The following HDAC9 variants were observed in gnomAD, a reference collection of about 807,000 sequenced individuals.
HDAC9 encodes histone deacetylase 9.
Under a neutral mutation model 139.4 loss-of-function variants are expected in HDAC9, and 41 were observed. The ratio of observed to expected loss-of-function variants is 0.29; its 90% CI spans 0.23 to 0.38. The LOEUF (loss-of-function observed/expected upper bound fraction) is 0.38. Among genes scored for constraint, HDAC9 ranks in the 10% least tolerant of loss-of-function variants. HDAC9 has a pLI of 1.00. For synonymous variants in HDAC9, 517 were observed against 476.2 expected (o/e 1.09, Z -1.12); for missense variants, 1,147 against 1,297.0 (o/e 0.88, Z 1.78).
chr7:18,575,913 A>C (rs572358925), intron 2 of HDAC9, among the ~76,000 whole-genome samples: 19 of 152,356 alleles, frequency 1.2e-4, no homozygotes, highest in Non-Finnish European at 2.5e-4. Flanking sequence ...CACTGAAAAC[A>C]TAGTCTCTGC....
chr7:18,323,129 A>G (rs957113485), intron 1 of HDAC9, among the ~76,000 whole-genome samples: 1 of 152,196 alleles, frequency 6.6e-6, no homozygotes, highest in African/African-American at 2.4e-5. Context: ...GAAAGTAGCA[A>G]ACCTACTCTT....
intron 12 of HDAC9, among the ~76,000 whole-genome samples, chr7:18,715,587 A>G (rs954738387): frequency 1.3e-5 from 2 of 152,158 alleles, no homozygotes; most frequent in African/African-American, 2.4e-5. Context: ...TTGGAATGAG[A>G]GGGTATAAAG....
intron 2 of HDAC9, among the ~76,000 whole-genome samples, chr7:18,187,876 C>T (rs1790038235): frequency 6.6e-6 from 1 of 152,164 alleles, no homozygotes; most frequent in East Asian, 1.9e-4. Flanking sequence ...TCTTCCTGTG[C>T]ACAAAATTCA....
At chr7:18,183,769 G>A (rs1436060983) in intron 2 of HDAC9, among the ~76,000 whole-genome samples, 1 of 152,110 alleles carries the variant, frequency 6.6e-6, no homozygotes, top group Non-Finnish European at 1.5e-5. Flanking sequence ...ACAGACATGG[G>A]CCATCACACC....
chr7:18,783,470 A>C (rs778702509), intron 16 of HDAC9, among the ~76,000 whole-genome samples: 4 of 152,092 alleles, frequency 2.6e-5, no homozygotes, highest in Non-Finnish European at 5.9e-5. Flanking sequence ...TAAAAACTCC[A>C]GTTATTTTTT....
At chr7:18,953,191 A>T (rs534822673) in intron 23 of HDAC9, among the ~76,000 whole-genome samples, 1 of 152,164 alleles carries the variant, frequency 6.6e-6, no homozygotes, top group African/African-American at 2.4e-5. Flanking sequence ...TTATAGTTTG[A>T]TCACCAGTTC....
At chr7:18,575,503 G>A (rs1825709415) in intron 2 of HDAC9, among the ~76,000 whole-genome samples, 1 of 152,226 alleles carries the variant, frequency 6.6e-6, no homozygotes, top group Non-Finnish European at 1.5e-5. Flanking sequence ...GCATGAATGG[G>A]TAAGTTTTAT....
chr7:18,567,801 T>A (rs2704296), intron 2 of HDAC9, among the ~76,000 whole-genome samples: 1 of 151,420 alleles, frequency 6.6e-6, no homozygotes, highest in East Asian at 1.9e-4. Flanking sequence ...ACTTGTAGTA[T>A]TATTATTGCA....
At chr7:18,295,379 A>G (rs910558356) in intron 1 of HDAC9, among the ~76,000 whole-genome samples, 17 of 151,942 alleles carry the variant, frequency 1.1e-4, no homozygotes, top group Admixed American at 3.3e-4. Context: ...TGGAATTGGT[A>G]TCATGGAGCT....
intron 1 of HDAC9, among the ~76,000 whole-genome samples, chr7:18,302,569 G>A (rs1290328797): frequency 1.3e-5 from 2 of 152,134 alleles, no homozygotes; most frequent in Non-Finnish European, 2.9e-5. Flanking sequence ...TTCTTTGTGA[G>A]GTGGTAGTAA....
intron 24 of HDAC9, among the ~76,000 whole-genome samples, chr7:18,971,717 C>G (rs1784253564): frequency 6.6e-6 from 1 of 152,118 alleles, no homozygotes; most frequent in African/African-American, 2.4e-5. Flanking sequence ...TGCCAGAGGC[C>G]AAATATAATT....
intron 22 of HDAC9, among the ~76,000 whole-genome samples, chr7:18,898,767 G>A (rs886103544): frequency 4.0e-5 from 6 of 151,814 alleles, no homozygotes; most frequent in Non-Finnish European, 8.8e-5. Flanking sequence ...TTAGTTGATT[G>A]GTGTGACAAG....
At chr7:18,620,723 C>G (rs992320226) in intron 6 of HDAC9, among the ~76,000 whole-genome samples, 4 of 151,984 alleles carry the variant, frequency 2.6e-5, no homozygotes, top group African/African-American at 9.7e-5. Context: ...GAAAAATGCC[C>G]ACCTTTCCCC....
chr7:18,398,324 C>T (rs1787237191), intron 1 of HDAC9, among the ~76,000 whole-genome samples: 1 of 152,102 alleles, frequency 6.6e-6, no homozygotes, highest in Non-Finnish European at 1.5e-5. Flanking sequence ...CAGATTTTAA[C>T]TGATGTCTTT....
At chr7:18,740,953 G>C (rs78577240) in intron 13 of HDAC9, among the ~76,000 whole-genome samples, 6,801 of 152,242 alleles carry the variant, frequency 0.045, 332 homozygotes, top group East Asian at 0.1. Flanking sequence ...TCCAGAGCAA[G>C]TCCCTAACTC....
chr7:18,666,625 G>T, intron 12 of HDAC9, 149 bp downstream of exon 12: 1 of 1,445,500 alleles, frequency 6.9e-7, no homozygotes. Context: ...TCTACCTAAT[G>T]CAGATATATG....
chr7:18,289,746 A>C (rs1289104944), upstream of HDAC9, among the ~76,000 whole-genome samples: 1 of 152,136 alleles, frequency 6.6e-6, no homozygotes, highest in Non-Finnish European at 1.5e-5. Context: ...GTGGGATTGA[A>C]ACAGCAAAAT....
chr7:18,180,978 T>C (rs1172335274), intron 2 of HDAC9, among the ~76,000 whole-genome samples: 1 of 152,194 alleles, frequency 6.6e-6, no homozygotes, highest in Non-Finnish European at 1.5e-5. Context: ...CATTGCCTTC[T>C]TTTGCGTGTG....
At chr7:18,934,382 A>G (rs909027056) in intron 22 of HDAC9, among the ~76,000 whole-genome samples, 1 of 152,010 alleles carries the variant, frequency 6.6e-6, no homozygotes, top group Admixed American at 6.5e-5. Flanking sequence ...ACTCAAAAAA[A>G]TCTTAAAGCA....
Sources: gnomAD v4.1 joint callset for allele counts (sites outside exome capture counted in the v4.1 genomes callset) on GRCh38, gnomAD v4.1.1 for gene constraint, MANE v1.5 for transcripts, NCBI Gene and HGNC (gene_info 2026-07-23, HGNC 2026-07-21) for gene names.